RBFOX1: variants seen among roughly 807,000 people sequenced by gnomAD.
RBFOX1 encodes RNA binding fox-1 homolog 1.
Under a neutral mutation model 57.7 loss-of-function variants are expected in RBFOX1, and 8 were observed. The ratio of observed to expected loss-of-function variants is 0.14; its 90% CI spans 0.08 to 0.25. RBFOX1 has a LOEUF of 0.25. Among genes scored for constraint, RBFOX1 ranks in the 10% least tolerant of loss-of-function variants. The pLI, the probability that RBFOX1 is intolerant of heterozygous loss-of-function variation, is 1.00. For missense variants in RBFOX1, 611 were observed against 548.5 expected (o/e 1.11, Z -1.14); for synonymous variants, 326 against 222.4 (o/e 1.47, Z -4.15).
chr16:5,465,983 C>G (rs1426698175), intron 1 of RBFOX1, among the ~76,000 whole-genome samples: 2 of 152,022 alleles, frequency 1.3e-5, no homozygotes, highest in Non-Finnish European at 2.9e-5. Context: ...CTTGATGGGA[C>G]CAGTTGGTTT....
chr16:7,093,200 C>G (rs1034146703), intron 4 of RBFOX1, among the ~76,000 whole-genome samples: 3 of 152,166 alleles, frequency 2.0e-5, no homozygotes, highest in Non-Finnish European at 4.4e-5. Context: ...TACTGGTCAC[C>G]GTGTATCTCA....
At chr16:7,472,193 T>C (rs1276644820) in intron 4 of RBFOX1, among the ~76,000 whole-genome samples, 1 of 152,190 alleles carries the variant, frequency 6.6e-6, no homozygotes, top group African/African-American at 2.4e-5. Context: ...TTTTAAGAGA[T>C]AGAAAGATAT....
chr16:6,919,047 C>A (rs949688841), intron 3 of RBFOX1, among the ~76,000 whole-genome samples: 7 of 152,166 alleles, frequency 4.6e-5, no homozygotes, highest in South Asian at 2.1e-4. Flanking sequence ...CAGGTAGGAT[C>A]TCAGCTCACT....
chr16:7,497,521 C>T (rs1005782158), intron 4 of RBFOX1, among the ~76,000 whole-genome samples: 1 of 152,098 alleles, frequency 6.6e-6, no homozygotes, highest in African/African-American at 2.4e-5. Flanking sequence ...TCTCTTTATC[C>T]AGATCTTAAT....
intron 3 of RBFOX1, among the ~76,000 whole-genome samples, chr16:7,001,819 A>C (rs1199137322): frequency 6.6e-6 from 1 of 152,038 alleles, no homozygotes; most frequent in African/African-American, 2.4e-5. Flanking sequence ...AGATTTTGTG[A>C]ACATCTTTAT....
intron 1 of RBFOX1, among the ~76,000 whole-genome samples, chr16:6,062,219 T>A (rs2152461271): frequency 6.6e-6 from 1 of 152,168 alleles, no homozygotes; most frequent in South Asian, 2.1e-4. Flanking sequence ...TCCTTTCAGG[T>A]TTTTATGGAG....
At chr16:7,378,420 C>T (rs970706619) in intron 4 of RBFOX1, among the ~76,000 whole-genome samples, 4 of 152,082 alleles carry the variant, frequency 2.6e-5, no homozygotes, top group African/African-American at 9.7e-5. Context: ...CGAGGTGCAA[C>T]ACTGTTAGCG....
intron 1 of RBFOX1, among the ~76,000 whole-genome samples, chr16:6,235,326 A>T (rs146726691): frequency 1.3e-5 from 2 of 152,246 alleles, no homozygotes; most frequent in African/African-American, 4.8e-5. Context: ...ATTCAGCAGC[A>T]TAAAAAGTCC....
chr16:6,698,111 A>C (rs981768025), intron 3 of RBFOX1, among the ~76,000 whole-genome samples: 3 of 152,180 alleles, frequency 2.0e-5, no homozygotes, highest in African/African-American at 7.2e-5. Flanking sequence ...TAAAATATGC[A>C]TTTTGTTACT....
chr16:5,813,478 A>T (rs2055509424), intron 3 of RBFOX1, among the ~76,000 whole-genome samples: 1 of 152,196 alleles, frequency 6.6e-6, no homozygotes. Flanking sequence ...ATTCAGCCAT[A>T]AAGGGAATGA....
At chr16:5,926,881 T>C (rs990874730) in intron 4 of RBFOX1, among the ~76,000 whole-genome samples, 5 of 152,190 alleles carry the variant, frequency 3.3e-5, no homozygotes, top group Admixed American at 6.5e-5. Context: ...ATTAGCTCCA[T>C]TTTCTAGAGG....
intron 14 of RBFOX1, among the ~76,000 whole-genome samples, chr16:7,691,226 A>G (rs986793513): frequency 1.3e-5 from 2 of 152,040 alleles, no homozygotes; most frequent in African/African-American, 4.8e-5. Flanking sequence ...AACAGATGTG[A>G]ATTTGTAGTC....
chr16:7,505,949 G>A (rs2073122903), intron 4 of RBFOX1, among the ~76,000 whole-genome samples: 1 of 152,004 alleles, frequency 6.6e-6, no homozygotes, highest in African/African-American at 2.4e-5. Context: ...ACTTTGGGAG[G>A]CTGAGGTGAG....
chr16:6,985,812 C>G (rs528068550), intron 3 of RBFOX1, among the ~76,000 whole-genome samples: 2 of 134,126 alleles, frequency 1.5e-5, no homozygotes, highest in Non-Finnish European at 3.0e-5. Context: ...CCGGCCTGGG[C>G]CACAGAGCGT....
At chr16:5,929,315 CCTCTCTCT>C (rs112397291) in intron 4 of RBFOX1, among the ~76,000 whole-genome samples, 3 of 147,952 alleles carry the variant, frequency 2.0e-5, no homozygotes, top group Admixed American at 1.4e-4. Flanking sequence ...CAGTCTTAAG[CCTCTCTCT>C]CTCTCTCTCT....
intron 3 of RBFOX1, among the ~76,000 whole-genome samples, chr16:5,845,711 A>T (rs1408438239): frequency 6.6e-6 from 1 of 152,212 alleles, no homozygotes; most frequent in Non-Finnish European, 1.5e-5. Flanking sequence ...GTTCTCAATA[A>T]CACTGGATAC....
At chr16:6,882,241 G>C (rs1229888618) in intron 3 of RBFOX1, among the ~76,000 whole-genome samples, 2 of 152,168 alleles carry the variant, frequency 1.3e-5, no homozygotes, top group African/African-American at 4.8e-5. Context: ...ACCTTAGAGA[G>C]ATGGAGAGGG....
At chr16:7,653,119 G>A (rs1233771631) in intron 11 of RBFOX1, among the ~76,000 whole-genome samples, 2 of 152,176 alleles carry the variant, frequency 1.3e-5, no homozygotes, top group Non-Finnish European at 2.9e-5. Flanking sequence ...ACACATATGT[G>A]TATTTTGCAT....
At chr16:5,703,236 A>T (rs180861474) in intron 3 of RBFOX1, among the ~76,000 whole-genome samples, 12 of 152,354 alleles carry the variant, frequency 7.9e-5, no homozygotes, top group Non-Finnish European at 1.5e-4. Flanking sequence ...ACACAGGGGC[A>T]TGGAGCTGAG....
Sources: gnomAD v4.1 joint callset for allele counts (sites outside exome capture counted in the v4.1 genomes callset) on GRCh38, gnomAD v4.1.1 for gene constraint, MANE v1.5 for transcripts, NCBI Gene and HGNC (gene_info 2026-07-23, HGNC 2026-07-21) for gene names.